MICALL1: variants seen among roughly 807,000 people sequenced by gnomAD.
The protein encoded by MICALL1 is MICAL like 1, also known as MICAL-like protein 1.
In MICALL1, 61 loss-of-function variants were observed where a neutral mutation model predicts 83.7. The ratio of observed to expected loss-of-function variants is 0.73; its 90% confidence interval spans 0.59 to 0.90. The LOEUF is 0.90. MICALL1 is among the 40% of genes least tolerant of loss of function. The probability of loss-of-function intolerance (pLI) is 0.00; values close to 1 mark genes in which losing one functional copy is unlikely to be tolerated. For synonymous variants in MICALL1, 481 were observed against 473.6 expected (o/e 1.02, Z -0.20); for missense variants, 1,066 against 1,152.0 (o/e 0.93, Z 1.08).
At chr22:37,913,016 G>T (rs1928439002) in intron 3 of MICALL1, among the ~76,000 whole-genome samples, 1 of 150,012 alleles carries the variant, frequency 6.7e-6, no homozygotes, top group Non-Finnish European at 1.5e-5. Context: ...AGGCTAGAGT[G>T]CAATGGCACG....
Position 37,932,510 on chromosome 22 carries a change from A to G in MICALL1, c.2017-43A>G, listed in dbSNP as rs1240538342. The G allele has an allele frequency of 6.2e-7, 1 of 1,608,542 alleles. No homozygotes were observed. Among genetic ancestry groups the G allele is most frequent in the Non-Finnish European group, 8.5e-7 (1 of 1,176,408 alleles). On this transcript the variant is annotated intron_variant, in intron 10 of 15. Coordinates refer to ENST00000215957, the MANE Select transcript of MICALL1 (RefSeq NM_033386.4). The surrounding 1 kb of genome is among the most constrained non-coding windows in gnomAD (Gnocchi z 4.4). ...CAGAGAAGAGGGCAAGGCTCCTGGCAGCAACCAGGCAGGCCGTCAGGTGAC... is the reference window on the plus strand; with the variant it reads ...CAGAGAAGAGGGCAAGGCTCCTGGCGGCAACCAGGCAGGCCGTCAGGTGAC...
At chr22:37,913,898 A>G (rs961124938) in intron 3 of MICALL1, among the ~76,000 whole-genome samples, 1 of 146,504 alleles carries the variant, frequency 6.8e-6, no homozygotes, top group Non-Finnish European at 1.5e-5. Context: ...TTTTTGATAC[A>G]GAGTTTTGCT....
At chr22:37,917,381 C>T (rs1928744358) in intron 3 of MICALL1, among the ~76,000 whole-genome samples, 1 of 152,194 alleles carries the variant, frequency 6.6e-6, no homozygotes, top group African/African-American at 2.4e-5. Context: ...ACCCTGGTGG[C>T]AGGGAAGCTG....
intron 13 of MICALL1, among the ~76,000 whole-genome samples, chr22:37,934,966 C>G (rs1930021423): frequency 6.6e-6 from 1 of 150,994 alleles, no homozygotes; most frequent in Non-Finnish European, 1.5e-5. Flanking sequence ...GAGTCTCACT[C>G]TGTTGCCCAG....
intron 1 of MICALL1, 81 bp from the exon 2 acceptor site, chr22:37,911,871 G>A: frequency 7.2e-7 from 1 of 1,380,578 alleles, no homozygotes; most frequent in South Asian, 1.2e-5. Context: ...TCTCTGTTCA[G>A]CTCCTTTCTG....
At position 37,912,345 on chromosome 22, in the gene MICALL1, C is replaced by T. The variant is rs1356536735; in HGVS notation, c.196-6C>T. On this transcript the variant is annotated splice_region_variant and splice_polypyrimidine_tract_variant and intron_variant, in intron 2 of 15. Coordinates refer to ENST00000215957, the MANE Select transcript of MICALL1 (RefSeq NM_033386.4). ...GCTCCCGCCCTTGTACCTGTCACCA[C>T]CCCAGGCCTTTGAAGTGGCTGAGAA... The T allele has an allele frequency of 2.5e-6, 4 of 1,607,410 alleles. No homozygotes were observed. Among genetic ancestry groups the T allele is most frequent in the African/African-American group, 1.3e-5 (1 of 74,906 alleles).
Position 37,906,718 on chromosome 22 carries a change from C to G in MICALL1, c.146+150C>G. On this transcript the variant is annotated intron_variant, in intron 1 of 15. Coordinates refer to ENST00000215957, the MANE Select transcript of MICALL1 (RefSeq NM_033386.4). The surrounding 1 kb of genome is among the most constrained non-coding windows in gnomAD (Gnocchi z 4.4). ...CCCCCCGACGGCCCCGGACGCCGGG[C>G]GGGTCCCTGAGACCCCGGCCCAGGG... The G allele has an allele frequency of 1.3e-6, 1 of 746,352 alleles. No homozygotes were observed. Among genetic ancestry groups the G allele is most frequent in the Non-Finnish European group, 1.7e-6 (1 of 582,590 alleles). The allele number at this position is 746,352 out of a possible 1,614,324, so 46.2% of individuals were successfully genotyped here. A position where few individuals can be genotyped will look rare whatever the true frequency, so the allele number is the denominator to read the frequency against.
At chr22:37,915,642 A>C (rs1341833131) in intron 3 of MICALL1, among the ~76,000 whole-genome samples, 2 of 137,100 alleles carry the variant, frequency 1.5e-5, no homozygotes, top group African/African-American at 2.6e-5. Context: ...TTAGATTAGT[A>C]TTCTTTTTTT....
At position 37,928,857 on chromosome 22, in the gene MICALL1, C is replaced by T. The variant is rs187993787; in HGVS notation, c.1881+1031C>T. Among the ~76,000 whole-genome samples, 386 of 152,310 alleles carry T rather than the reference C, an allele frequency of 2.5e-3. 2 individuals carry two copies. Among genetic ancestry groups the T allele is most frequent in the African/African-American group, 9.0e-3 (375 of 41,568 alleles). On this transcript the variant is annotated intron_variant, in intron 9 of 15. Transcript: ENST00000215957. Reference sequence around the variant, plus strand: ...ACCCTATCCTGGCTGGGCGTGGTGGCTCACACCTGTAATCCCAGCACTTTG... The same window carrying T: ...ACCCTATCCTGGCTGGGCGTGGTGGTTCACACCTGTAATCCCAGCACTTTG...
chr22:37,909,507 C>T (rs888186149), intron 1 of MICALL1, among the ~76,000 whole-genome samples: 11 of 151,876 alleles, frequency 7.2e-5, no homozygotes, highest in South Asian at 2.1e-4. Flanking sequence ...TACAGGTGCC[C>T]GCCACCATGC....
chr22:37,931,984 C>G lies in MICALL1; in HGVS notation c.2016+51C>G, dbSNP rs371133745. Reference sequence around the variant, plus strand: ...CAGGCTGGCCTGGGCTGGCAACCCCCACTCTGCAGCTGCAGTCTTCCCCTG... The same window carrying G: ...CAGGCTGGCCTGGGCTGGCAACCCCGACTCTGCAGCTGCAGTCTTCCCCTG... On this transcript the variant is annotated intron_variant, in intron 10 of 15. Coordinates refer to ENST00000215957, the MANE Select transcript of MICALL1 (RefSeq NM_033386.4). 8.3e-5 allele frequency: 132 copies of G among 1,593,080 alleles called. No individual in the cohort carries two copies. The East Asian group carries it at 2.1e-3, about 25-fold the overall frequency.
rs1376638822 is a variant in MICALL1 at position 37,927,627 on chromosome 22, C to T, written c.1682C>T (p.Ala561Val). 1.2e-6 allele frequency: 2 copies of T among 1,614,088 alleles called. No individual in the cohort carries two copies. The highest frequency in any genetic ancestry group is 1.7e-6 in the Non-Finnish European group (2 of 1,179,944). ...PVSLSTNSSLASSGELVEPRV... is the reference protein window; with the variant it reads ...PVSLSTNSSLVSSGELVEPRV... ...AGCCTCTCTACCAACTCCTCCCTGGCCTCCTCTGGGGAACTAGTGGAGCCT... is the reference window on the plus strand; with the variant it reads ...AGCCTCTCTACCAACTCCTCCCTGGTCTCCTCTGGGGAACTAGTGGAGCCT... The change falls in exon 9 of 16, where the codon GCC becomes GTC. Residue 561 changes from alanine (A) to valine (V), a missense_variant. Physicochemically the swap from Ala to Val is moderately conservative, Grantham distance 64 (BLOSUM62 0). Transcript: ENST00000215957.
In MICALL1 at chr22:37,927,773, G is replaced by A. The variant is rs1157022819; in HGVS notation, c.1828G>A (p.Asp610Asn). 1.2e-6 allele frequency: 2 copies of A among 1,613,418 alleles called. No homozygotes were observed. Among genetic ancestry groups the A allele is most frequent in the East Asian group, 2.2e-5 (1 of 44,860 alleles). Residue 610 changes from aspartate to asparagine, a missense_variant, in exon 9 of 16, where the codon GAC becomes AAC. Asp to Asn is a conservative substitution (Grantham distance 23). Coordinates refer to ENST00000215957, the MANE Select transcript of MICALL1 (RefSeq NM_033386.4). Reference protein sequence around the residue: ...ATPTPLLLVGDRSPVPSPGSS... With the variant: ...ATPTPLLLVGNRSPVPSPGSS... ...CCCAACGCCTCTCTTGTTGGTTGGAGACAGGAGCCCGGTGCCTTCCCCTGG... is the reference window on the plus strand; with the variant it reads ...CCCAACGCCTCTCTTGTTGGTTGGAAACAGGAGCCCGGTGCCTTCCCCTGG...
chr22:37,939,824 C>A (rs910568802), intron 15 of MICALL1, among the ~76,000 whole-genome samples: 2 of 148,654 alleles, frequency 1.3e-5, no homozygotes, highest in Admixed American at 1.4e-4. Flanking sequence ...CACGGTGGCT[C>A]ACGCCTGTAA....
intron 9 of MICALL1, 60 bp downstream of exon 9, chr22:37,927,886 C>G (rs1569145586): frequency 6.7e-7 from 1 of 1,503,270 alleles, no homozygotes; most frequent in Non-Finnish European, 8.9e-7. Context: ...CGGGTCTGGT[C>G]TCAGGGCAGA....
At chr22:37,918,492 A>G (rs1398951093) in intron 4 of MICALL1, among the ~76,000 whole-genome samples, 1 of 152,176 alleles carries the variant, frequency 6.6e-6, no homozygotes, top group Non-Finnish European at 1.5e-5. Flanking sequence ...TGAGGCTGGC[A>G]GGGGTTATAC....
chr22:37,917,408 C>T (rs971124716), intron 3 of MICALL1, among the ~76,000 whole-genome samples: 3 of 152,186 alleles, frequency 2.0e-5, no homozygotes, highest in Admixed American at 6.5e-5. Flanking sequence ...TAGCCACACG[C>T]GGGTGCTGTG....
At position 37,937,109 on chromosome 22, in the gene MICALL1, C is replaced by T. The variant is rs575389316; in HGVS notation, c.2338C>T (p.Arg780Trp). Residue 780 changes from arginine to tryptophan, a missense_variant, in exon 14 of 16, where the codon CGG becomes TGG. Coordinates refer to ENST00000215957, the MANE Select transcript of MICALL1 (RefSeq NM_033386.4). Reference sequence around the variant, plus strand: ...GGACTGGACGGAGGAGGACCGGGCCCGGGAGAAGGTGCTGATGCAGGAGCT... The same window carrying T: ...GGACTGGACGGAGGAGGACCGGGCCTGGGAGAAGGTGCTGATGCAGGAGCT... Reference protein sequence around the residue: ...EKDWTEEDRAREKVLMQELVT... With the variant: ...EKDWTEEDRAWEKVLMQELVT... 68 of 1,551,406 alleles carry T rather than the reference C, an allele frequency of 4.4e-5. 1 individual carries two copies. Among genetic ancestry groups the T allele is most frequent in the South Asian group, 1.3e-4 (11 of 84,062 alleles).
intron 3 of MICALL1, among the ~76,000 whole-genome samples, chr22:37,916,010 G>A (rs531445250): frequency 1.5e-3 from 230 of 152,094 alleles, no homozygotes; most frequent in African/African-American, 5.1e-3. Flanking sequence ...CCTTAGAATC[G>A]CAATTCAGCC....
Sources: gnomAD v4.1 joint callset for allele counts (sites outside exome capture counted in the v4.1 genomes callset) on GRCh38, gnomAD v4.1.1 for gene constraint, Gnocchi (gnomAD v3.1) non-coding constraint, MANE v1.5 for transcripts, NCBI Gene and HGNC (gene_info 2026-07-23, HGNC 2026-07-21) for gene names.